The following SCHIP1 variants were observed in gnomAD, a reference collection of about 807,000 sequenced individuals.
SCHIP1 encodes schwannomin interacting protein 1, also known as schwannomin-interacting protein 1.
In SCHIP1, 8 loss-of-function variants were observed where a neutral mutation model predicts 29.7. The observed-to-expected ratio is 0.27, with a 90% CI of 0.16 to 0.49. The LOEUF is 0.49. Ranked by LOEUF, SCHIP1 falls within the 20% of genes least tolerant of loss-of-function variation. SCHIP1 has a pLI of 0.99. For synonymous variants in SCHIP1, 76 were observed against 94.9 expected, an observed-to-expected ratio of 0.80 and a Z score of 1.16; for missense variants, 193 against 294.6, an observed-to-expected ratio of 0.66 and a Z score of 2.52.
At chr3:159,626,086 T>TATA in the SCHIP1 span, among the ~76,000 whole-genome samples, 1 of 103,622 alleles carries the variant, frequency 9.7e-6, no homozygotes, top group African/African-American at 5.7e-5. Flanking sequence ...AGAGTGCAGC[T>TATA]TATATAGATA....
chr3:159,444,753 T>G, the SCHIP1 span, among the ~76,000 whole-genome samples: 2 of 152,266 alleles, frequency 1.3e-5, no homozygotes, highest in Non-Finnish European at 2.9e-5. Context: ...CCAGAACGAT[T>G]TCTCAGAGAA....
chr3:159,700,243 A>T, the SCHIP1 span, among the ~76,000 whole-genome samples: 1 of 152,232 alleles, frequency 6.6e-6, no homozygotes, highest in Non-Finnish European at 1.5e-5. Flanking sequence ...AAACAAGCTA[A>T]GTGACATGCA....
chr3:159,398,732 G>A, the SCHIP1 span: 2 of 152,186 alleles, frequency 1.3e-5, no homozygotes, highest in African/African-American at 4.8e-5. Context: ...GAGATTAGGA[G>A]ACTCAAAAAT....
chr3:159,445,323 T>A, the SCHIP1 span, among the ~76,000 whole-genome samples: 1 of 151,168 alleles, frequency 6.6e-6, no homozygotes, highest in Non-Finnish European at 1.5e-5. Flanking sequence ...AAAACCACAA[T>A]GAGATACCAT....
chr3:159,719,124 A>C, the SCHIP1 span, among the ~76,000 whole-genome samples: 8 of 152,228 alleles, frequency 5.3e-5, no homozygotes, highest in South Asian at 4.2e-4. Flanking sequence ...CAAAAACAAG[A>C]AATGGGGAAA....
the SCHIP1 span, among the ~76,000 whole-genome samples, chr3:159,278,562 G>A: frequency 9.9e-4 from 150 of 151,974 alleles, no homozygotes; most frequent in South Asian, 0.027. Context: ...TTGCTCTTTC[G>A]CCTGTATCCT....
the SCHIP1 span, among the ~76,000 whole-genome samples, chr3:159,504,332 T>G: frequency 3.3e-5 from 5 of 152,348 alleles, no homozygotes; most frequent in South Asian, 4.1e-4. Context: ...ATCTTGCATA[T>G]GAAGCCAGAA....
chr3:159,277,902 A>G, the SCHIP1 span, among the ~76,000 whole-genome samples: 1 of 151,910 alleles, frequency 6.6e-6, no homozygotes, highest in African/African-American at 2.4e-5. Flanking sequence ...ACAACGAGCA[A>G]AACTCCGTCT....
chr3:159,881,470 C>A lies in SCHIP1; in HGVS notation c.150-4737C>A, dbSNP rs142731483. 1.7e-3 allele frequency among the ~76,000 whole-genome samples: 259 copies of A among 152,322 alleles called. 3 individuals are homozygous for A. In the East Asian group the frequency reaches 0.035, roughly 20 times the overall value. On this transcript the variant is annotated intron_variant, in intron 2 of 6. Coordinates refer to ENST00000445224, the Ensembl canonical transcript of SCHIP1. Reference sequence around the variant, plus strand: ...GGTTGTAGGCAGATAATGAGCAATGCATGTTCGAAGTCCCTGGCATATGGG... The same window carrying A: ...GGTTGTAGGCAGATAATGAGCAATGAATGTTCGAAGTCCCTGGCATATGGG...
At chr3:159,895,384 A>T (rs1294993041) in intron 6 of SCHIP1, among the ~76,000 whole-genome samples, 3 of 152,202 alleles carry the variant, frequency 2.0e-5, no homozygotes, top group African/African-American at 4.8e-5. Context: ...GACATCACTG[A>T]CTACCCAAGT....
chr3:159,627,858 C>G, the SCHIP1 span, among the ~76,000 whole-genome samples: 1 of 152,190 alleles, frequency 6.6e-6, no homozygotes, highest in Admixed American at 6.6e-5. Context: ...TGTTTGCTGA[C>G]TCTTACGTGG....
At chr3:159,891,248 G>C (rs375142111) in intron 5 of SCHIP1, among the ~76,000 whole-genome samples, 1 of 152,232 alleles carries the variant, frequency 6.6e-6, no homozygotes, top group South Asian at 2.1e-4. Context: ...GCACATGCCC[G>C]TAGTTCCAGC....
At chr3:159,892,119 G>T in exon 6 of SCHIP1, 1 of 1,613,698 alleles carries the variant, frequency 6.2e-7, no homozygotes. Context: ...AGTTGGTCCA[G>T]CTGCTTCTCA....
chr3:159,397,401 T>C, the SCHIP1 span, among the ~76,000 whole-genome samples: 1 of 152,212 alleles, frequency 6.6e-6, no homozygotes, highest in Non-Finnish European at 1.5e-5. Flanking sequence ...GGCGCTCTGC[T>C]TTTTAGAGTT....
the SCHIP1 span, among the ~76,000 whole-genome samples, chr3:159,599,114 A>G: frequency 6.6e-6 from 1 of 152,122 alleles, no homozygotes; most frequent in Non-Finnish European, 1.5e-5. Context: ...TATTGAAAAG[A>G]TGAGGGGTTT....
At chr3:159,685,338 C>T in the SCHIP1 span, among the ~76,000 whole-genome samples, 1 of 152,176 alleles carries the variant, frequency 6.6e-6, no homozygotes, top group East Asian at 1.9e-4. Context: ...CATTTCATGT[C>T]TTACTATTAA....
the SCHIP1 span, among the ~76,000 whole-genome samples, chr3:159,786,886 G>A: frequency 2.6e-5 from 4 of 152,018 alleles, no homozygotes; most frequent in East Asian, 1.9e-4. Context: ...TTAAAAAGCC[G>A]AATATTTTTG....
At chr3:159,822,603 T>G in the SCHIP1 span, among the ~76,000 whole-genome samples, 117 of 149,998 alleles carry the variant, frequency 7.8e-4, no homozygotes, top group Non-Finnish European at 1.2e-3. Flanking sequence ...GACATGGAAA[T>G]TTCCAGGATT....
the SCHIP1 span, among the ~76,000 whole-genome samples, chr3:159,510,792 G>T: frequency 6.6e-6 from 1 of 152,178 alleles, no homozygotes; most frequent in Admixed American, 6.5e-5. Flanking sequence ...GAATATTGCT[G>T]AACAGCTAAT....
Sources: gnomAD v4.1 joint callset for allele counts (sites outside exome capture counted in the v4.1 genomes callset) on GRCh38, gnomAD v4.1.1 for gene constraint, MANE v1.5 for transcripts, NCBI Gene and HGNC (gene_info 2026-07-23, HGNC 2026-07-21) for gene names.